Variants in CNTLN observed in about 807,000 individuals in gnomAD.
CNTLN encodes centlein, centrosomal protein.
A neutral mutation model predicts 180.0 loss-of-function variants in CNTLN; 212 were observed. That is an observed-to-expected ratio of 1.18 (90% CI 1.05 to 1.32). The LOEUF (loss-of-function observed/expected upper bound fraction) is 1.32, where lower values mean the gene tolerates loss of function less well. Among genes scored for constraint, CNTLN ranks in the 40% most tolerant of loss-of-function variants. The pLI is 0.00. For synonymous variants in CNTLN, 722 were observed against 563.1 expected (o/e 1.28, Z -3.99); for missense variants, 2,095 against 1,610.9 (o/e 1.30, Z -5.14).
chr9:17,526,255 A>C, the CNTLN span, among the ~76,000 whole-genome samples: 53 of 152,238 alleles, frequency 3.5e-4, no homozygotes, highest in African/African-American at 1.2e-3. Context: ...TGTATACATC[A>C]TTTCCCTACT....
At chr9:17,383,175 A>G (rs933969416) in intron 13 of CNTLN, among the ~76,000 whole-genome samples, 20 of 152,156 alleles carry the variant, frequency 1.3e-4, no homozygotes, top group Non-Finnish European at 2.6e-4. Context: ...AAATATATCT[A>G]TATAAATGAT....
chr9:17,456,328 A>G (rs1216147311), intron 18 of CNTLN, among the ~76,000 whole-genome samples: 2 of 152,176 alleles, frequency 1.3e-5, no homozygotes, highest in African/African-American at 4.8e-5. Flanking sequence ...CTAAAAATCT[A>G]TAGAACCATA....
chr9:17,316,160 A>G (rs1277383097), intron 8 of CNTLN, among the ~76,000 whole-genome samples: 1 of 151,488 alleles, frequency 6.6e-6, no homozygotes, highest in African/African-American at 2.4e-5. Context: ...TCTCTTTTTG[A>G]TGAATCGATT....
Position 17,235,802 on chromosome 9 carries a change from C to A in CNTLN, c.669+10C>A. 6.3e-7 allele frequency: 1 copy of A among 1,595,932 alleles called. No homozygotes were observed. The highest frequency in any genetic ancestry group is 8.5e-7 in the Non-Finnish European group (1 of 1,174,558). On this transcript the variant is annotated intron_variant, in intron 4 of 25. Transcript: ENST00000380647. ...AAGTCAAGAAATTAAGGTGTGTTGACTTGTACATAGTTTTGTGGGACTGTT... is the reference window on the plus strand; with the variant it reads ...AAGTCAAGAAATTAAGGTGTGTTGAATTGTACATAGTTTTGTGGGACTGTT...
intron 6 of CNTLN, among the ~76,000 whole-genome samples, chr9:17,274,453 ATATCTATC>A (rs71331478): frequency 0.04 from 5,571 of 138,778 alleles, 126 homozygotes; most frequent in Middle Eastern, 0.073. Flanking sequence ...TCATAGATCA[ATATCTATC>A]TATCTATCTA....
At chr9:17,282,627 T>C (rs1828734369) in intron 6 of CNTLN, among the ~76,000 whole-genome samples, 1 of 152,182 alleles carries the variant, frequency 6.6e-6, no homozygotes, top group African/African-American at 2.4e-5. Context: ...TTGTTACAAT[T>C]GCTTTTGATG....
intron 21 of CNTLN, among the ~76,000 whole-genome samples, chr9:17,465,597 G>A (rs1831702297): frequency 6.6e-6 from 1 of 150,710 alleles, no homozygotes; most frequent in South Asian, 2.1e-4. Context: ...AAAAAGGTAT[G>A]TAATAGTTAT....
intron 5 of CNTLN, among the ~76,000 whole-genome samples, chr9:17,255,475 C>T (rs903517614): frequency 2.2e-5 from 3 of 135,488 alleles, no homozygotes; most frequent in Admixed American, 7.3e-5. Flanking sequence ...ATTCTTTCAT[C>T]GTGGTTTATT....
chr9:17,345,105 T>A (rs1260125445), intron 12 of CNTLN, among the ~76,000 whole-genome samples: 3 of 152,202 alleles, frequency 2.0e-5, no homozygotes, highest in Non-Finnish European at 4.4e-5. Context: ...TGGACCACCT[T>A]ATCCATCTAT....
chr9:17,510,753 C>G, the CNTLN span, among the ~76,000 whole-genome samples: 2 of 152,306 alleles, frequency 1.3e-5, no homozygotes, highest in East Asian at 3.9e-4. Context: ...ATAAATCTGT[C>G]TGTTTCCCCA....
intron 6 of CNTLN, among the ~76,000 whole-genome samples, chr9:17,291,232 T>G (rs77810763): frequency 6.6e-6 from 1 of 152,182 alleles, no homozygotes; most frequent in African/African-American, 2.4e-5. Flanking sequence ...CGTGACTGAT[T>G]TTAGAGTAAG....
Position 17,409,457 on chromosome 9 carries a change from A to G in CNTLN, c.2780A>G (p.Asp927Gly). The G allele has an allele frequency of 6.3e-7, 1 of 1,599,628 alleles. No homozygotes were observed. The highest frequency in any genetic ancestry group is 8.5e-7 in the Non-Finnish European group (1 of 1,176,072). The change falls in exon 16 of 26, where the codon GAT (aspartate) becomes GGT (glycine). Residue 927 changes from aspartate (D) to glycine (G), a missense_variant. Transcript: ENST00000380647. ...KEIVQTYLNIDGKTPKDYFHD... is the reference protein window; with the variant it reads ...KEIVQTYLNIGGKTPKDYFHD... The stretch of plus-strand genomic sequence containing the variant: ...ATAGTACAGACATATTTAAATATAG[A>G]TGGCAAGACCCCAAAGGTAAATGAC...
chr9:17,254,992 T>C (rs1310641721), intron 5 of CNTLN, among the ~76,000 whole-genome samples: 1 of 151,796 alleles, frequency 6.6e-6, no homozygotes, highest in East Asian at 1.9e-4. Flanking sequence ...AGTGTACAAG[T>C]CTTTCACCCC....
At chr9:17,500,947 T>C (rs1833720468) in intron 25 of CNTLN, among the ~76,000 whole-genome samples, 1 of 152,180 alleles carries the variant, frequency 6.6e-6, no homozygotes, top group Non-Finnish European at 1.5e-5. Context: ...GAAAAGCAAT[T>C]TGTCAAAATT....
At chr9:17,298,514 T>G in intron 7 of CNTLN, 162 bp downstream of exon 7, 1 of 1,315,786 alleles carries the variant, frequency 7.6e-7, no homozygotes. Context: ...TGATAACATT[T>G]AAAATTTTTT....
chr9:17,152,120 T>A (rs1379085262), intron 2 of CNTLN, among the ~76,000 whole-genome samples: 1 of 152,206 alleles, frequency 6.6e-6, no homozygotes, highest in Non-Finnish European at 1.5e-5. Context: ...AGCTCCTGCA[T>A]TCACTGAGTT....
chr9:17,499,864 G>A (rs551122483), intron 25 of CNTLN, among the ~76,000 whole-genome samples: 3 of 151,922 alleles, frequency 2.0e-5, no homozygotes, highest in Non-Finnish European at 4.4e-5. Context: ...TAAACCATAA[G>A]GTATAAACAG....
intron 2 of CNTLN, among the ~76,000 whole-genome samples, chr9:17,150,101 GC>G (rs1818753623): frequency 6.6e-6 from 1 of 152,120 alleles, no homozygotes; most frequent in Non-Finnish European, 1.5e-5. Context: ...TCTATAGGTT[GC>G]CTGTTCACTC....
rs137979893 is a variant in CNTLN, at chr9:17,270,612, G to A, written c.850-3121G>A. On this transcript the variant is annotated intron_variant, in intron 5 of 25. Coordinates refer to ENST00000380647, the MANE Select transcript of CNTLN (RefSeq NM_017738.4). ...GATAACAGGTCATTTCATAAAATGA[G>A]TTGAGAACATCCTTTTAAAATTCTG... Among the ~76,000 whole-genome samples the A allele has an allele frequency of 2.1e-3, 321 of 152,176 alleles. 1 individual carries two copies. Among genetic ancestry groups the A allele is most frequent in the African/African-American group, 7.2e-3 (300 of 41,526 alleles).
Sources: allele counts gnomAD v4.1 joint callset (sites outside exome capture counted in the v4.1 genomes callset), GRCh38; gene constraint gnomAD v4.1.1; transcripts MANE v1.5; gene names NCBI Gene and HGNC (gene_info 2026-07-23, HGNC 2026-07-21).